Variants in TXNRD2 observed in about 807,000 individuals in gnomAD.
The protein encoded by TXNRD2 is thioredoxin reductase 2, mitochondrial.
In TXNRD2, 67 loss-of-function variants were observed where a neutral mutation model predicts 70.8. The ratio of observed to expected loss-of-function variants is 0.95; its 90% CI spans 0.78 to 1.16. The LOEUF (loss-of-function observed/expected upper bound fraction) is 1.16. Ranked by LOEUF, TXNRD2 falls within the 50% of genes most tolerant of loss-of-function variation. The probability of loss-of-function intolerance (pLI) is 0.00; values close to 1 mark genes in which losing one functional copy is unlikely to be tolerated. For missense variants in TXNRD2, 644 were observed against 719.9 expected, an observed-to-expected ratio of 0.89 and a Z score of 1.21; for synonymous variants, 301 against 295.8, an observed-to-expected ratio of 1.02 and a Z score of -0.18.
chr22:19,938,791 C>T (rs376895877), intron 1 of TXNRD2, among the ~76,000 whole-genome samples: 6 of 152,110 alleles, frequency 3.9e-5, no homozygotes, highest in East Asian at 1.9e-4. Flanking sequence ...TTTCCAGACT[C>T]GGTCTCGGTC....
At chr22:19,894,282 A>T (rs536144909) in intron 11 of TXNRD2, 1 of 152,416 alleles carries the variant, frequency 6.6e-6, no homozygotes, top group African/African-American at 2.4e-5. Flanking sequence ...TTTAATGGGG[A>T]CAGAGCTCAG....
Position 19,898,181 on chromosome 22 carries a change from G to A in TXNRD2, c.683-51C>T, listed in dbSNP as rs1467284963. The stretch of plus-strand genomic sequence containing the variant: ...TGTAGATCCCAATTTTGGAAATGAT[G>A]GGACAACACCCCAGGGCCCTGTGCC... On this transcript the variant is annotated intron_variant, in intron 9 of 17. Transcript: ENST00000400521. 2.0e-6 allele frequency: 3 copies of A among 1,500,978 alleles called. No homozygotes were observed. The Admixed American group carries it at 5.9e-5, about 29-fold the overall frequency. The allele number at this position is 1,500,978 out of a possible 1,614,324, so 93.0% of individuals were successfully genotyped here.
chr22:19,894,213 A>C (rs1357736256), intron 11 of TXNRD2: 1 of 152,272 alleles, frequency 6.6e-6, no homozygotes, highest in African/African-American at 2.4e-5. Flanking sequence ...TCCCTCGAGG[A>C]GTCAGATCCA....
intron 5 of TXNRD2, among the ~76,000 whole-genome samples, chr22:19,917,511 C>A (rs984710824): frequency 6.6e-6 from 1 of 152,148 alleles, no homozygotes; most frequent in East Asian, 1.9e-4. Context: ...CAGACCTCTG[C>A]GGGACCACTG....
chr22:19,922,857 T>G (rs953723760), intron 2 of TXNRD2, among the ~76,000 whole-genome samples: 1 of 151,410 alleles, frequency 6.6e-6, no homozygotes, highest in Admixed American at 6.6e-5. Context: ...CGGCCAATTT[T>G]TTTGTATTTT....
chr22:19,931,019 A>C lies in TXNRD2; in HGVS notation c.172+11T>G, dbSNP rs1425620265. On this transcript the variant is annotated intron_variant, in intron 2 of 17. Coordinates refer to ENST00000400521, the MANE Select transcript of TXNRD2 (RefSeq NM_006440.5). Reference sequence around the variant, plus strand: ...TTCGAGGCCTTGCCACGAAGTATACAGAATACATACCCTCCTTGGCACAAG... The same window carrying C: ...TTCGAGGCCTTGCCACGAAGTATACCGAATACATACCCTCCTTGGCACAAG... The C allele has an allele frequency of 6.2e-7, 1 of 1,613,404 alleles. No homozygotes were observed. The highest frequency in any genetic ancestry group is 1.3e-5 in the African/African-American group (1 of 74,930).
intron 2 of TXNRD2, among the ~76,000 whole-genome samples, chr22:19,926,036 G>A (rs1941127891): frequency 1.3e-5 from 2 of 151,874 alleles, no homozygotes; most frequent in Admixed American, 1.3e-4. Flanking sequence ...GGTGGTGCAT[G>A]CCTGTAATCC....
intron 1 of TXNRD2, among the ~76,000 whole-genome samples, chr22:19,940,679 G>A (rs1308831159): frequency 6.6e-6 from 1 of 152,060 alleles, no homozygotes; most frequent in Non-Finnish European, 1.5e-5. Flanking sequence ...CCCCTTTTAT[G>A]GGACTCCGCC....
At chr22:19,916,847 G>T (rs1940662157) in intron 5 of TXNRD2, among the ~76,000 whole-genome samples, 1 of 151,920 alleles carries the variant, frequency 6.6e-6, no homozygotes, top group Non-Finnish European at 1.5e-5. Context: ...GGGCTCAAGT[G>T]ATCCTCCCAC....
intron 8 of TXNRD2, among the ~76,000 whole-genome samples, chr22:19,904,471 T>A (rs776334119): frequency 6.6e-6 from 1 of 152,232 alleles, no homozygotes; most frequent in Non-Finnish European, 1.5e-5. Flanking sequence ...GGCTCCCAAC[T>A]TGGGGCCCGA....
At chr22:19,940,319 A>G (rs1941667297) in intron 1 of TXNRD2, among the ~76,000 whole-genome samples, 1 of 151,382 alleles carries the variant, frequency 6.6e-6, no homozygotes, top group Non-Finnish European at 1.5e-5. Flanking sequence ...CGAAAGGGCT[A>G]TTTAAAAAAC....
intron 11 of TXNRD2, among the ~76,000 whole-genome samples, chr22:19,892,970 C>T (rs180998711): frequency 7.2e-4 from 110 of 152,352 alleles, no homozygotes; most frequent in African/African-American, 2.5e-3. Flanking sequence ...TGATCACCTC[C>T]GGGCCAAGAG....
chr22:19,914,487 C>CAGTCACTAAGGGACACACACATACG (rs754544566), intron 7 of TXNRD2, among the ~76,000 whole-genome samples: 2 of 152,170 alleles, frequency 1.3e-5, no homozygotes, highest in Admixed American at 6.5e-5. Flanking sequence ...TGAAGTAAGC[C>CAGTCACTAAGGGACACACACATACG]AGTCACTAAG....
chr22:19,900,213 G>C (rs575921175), intron 8 of TXNRD2, among the ~76,000 whole-genome samples: 2 of 152,296 alleles, frequency 1.3e-5, no homozygotes, highest in East Asian at 3.9e-4. Context: ...CTCAGCATGT[G>C]AGGACAGCGA....
intron 14 of TXNRD2, among the ~76,000 whole-genome samples, 189 bp from the exon 15 acceptor site, chr22:19,878,626 T>G (rs1033906789): frequency 2.0e-5 from 3 of 152,218 alleles, no homozygotes; most frequent in Non-Finnish European, 4.4e-5. Flanking sequence ...CCCTCTCACG[T>G]GCAGGCAGCC....
chr22:19,880,632 T>G lies in TXNRD2; in HGVS notation c.1172A>C (p.Asp391Ala). Residue 391 changes from aspartate to alanine, a missense_variant, in exon 13 of 18, where the codon GAC becomes GCC. Asp to Ala is a moderately radical substitution (Grantham distance 126, BLOSUM62 -2). Around this residue, in one of 3 missense-constraint regions of TXNRD2, gnomAD observed 566 missense variants for 645.0 expected, o/e 0.88. Transcript: ENST00000400521. ...RLFGGSSDLM[D>A]YDNVPTTVFT... ...TGCTAGAGAACTCACATTGTCGTAG[T>G]CCATCAGATCTGAGGACCCGCCGAA... 6.2e-7 allele frequency: 1 copy of G among 1,613,286 alleles called. No homozygotes were observed.
intron 1 of TXNRD2, among the ~76,000 whole-genome samples, chr22:19,940,922 C>A (rs117464292): frequency 1.3e-5 from 2 of 152,288 alleles, no homozygotes; most frequent in East Asian, 3.9e-4. Context: ...GAGTCCACCG[C>A]GGGCAGAGGG....
chr22:19,929,609 CA>C (rs1218605288), intron 2 of TXNRD2, among the ~76,000 whole-genome samples: 1 of 152,132 alleles, frequency 6.6e-6, no homozygotes. Flanking sequence ...ATCTACAGCC[CA>C]ACGGAGAGGC....
rs116680302 is a variant in TXNRD2 at position 19,928,501 on chromosome 22, C to T, written c.172+2529G>A. On this transcript the variant is annotated intron_variant, in intron 2 of 17. Coordinates refer to ENST00000400521, the MANE Select transcript of TXNRD2 (RefSeq NM_006440.5). ...GACATACAGCAGCATTCCGTTTATACGCAATTATAGAAAATGCAAACTATA... is the reference window on the plus strand; with the variant it reads ...GACATACAGCAGCATTCCGTTTATATGCAATTATAGAAAATGCAAACTATA... 7.2e-3 allele frequency among the ~76,000 whole-genome samples: 1,097 copies of T among 152,262 alleles called. 11 individuals carry two copies. The highest frequency in any genetic ancestry group is 0.025 in the African/African-American group (1,029 of 41,540).
Sources: allele counts gnomAD v4.1 joint callset (sites outside exome capture counted in the v4.1 genomes callset), GRCh38; gene constraint gnomAD v4.1.1; regional missense constraint gnomAD v4.1.1; transcripts MANE v1.5; gene names NCBI Gene and HGNC (gene_info 2026-07-23, HGNC 2026-07-21).